The following FSD2 variants were observed in gnomAD, a reference collection of about 807,000 sequenced individuals.
FSD2 encodes fibronectin type III and SPRY domain-containing protein 2.
FSD2 carries 71 observed loss-of-function variants against 80.4 expected under a neutral mutation model. That is an observed-to-expected ratio of 0.88 (90% CI 0.73 to 1.08). The LOEUF (loss-of-function observed/expected upper bound fraction) is 1.08. Among genes scored for constraint, FSD2 ranks in the 50% least tolerant of loss-of-function variants. The pLI is 0.00. For synonymous variants in FSD2, 361 were observed against 329.5 expected (o/e 1.10, Z -1.03); for missense variants, 923 against 913.8 (o/e 1.01, Z -0.13).
chr15:82,766,069 A>G, intron 9 of FSD2, 38 bp from the exon 10 acceptor site: 3 of 1,529,364 alleles, frequency 2.0e-6, no homozygotes, highest in Non-Finnish European at 2.6e-6. Flanking sequence ...GAATGGGGCT[A>G]GGACACCCAG....
rs761590081 is a variant in FSD2, at chr15:82,765,302, TGGG to T, written c.1688-7_1688-5del. 6.2e-7 allele frequency: 1 copy of T among 1,613,120 alleles called. No homozygotes were observed. The highest frequency in any genetic ancestry group is 1.1e-5 in the South Asian group (1 of 90,908). Reference sequence around the variant, plus strand: ...TTGTTTAGGCGAAAGTAGCTTCCTGTGGGAGGAGGAACACACAGAAGACCCGCA... The same window carrying T: ...TTGTTTAGGCGAAAGTAGCTTCCTGTAGGAGGAACACACAGAAGACCCGCA... On this transcript the variant is annotated splice_polypyrimidine_tract_variant and splice_region_variant and intron_variant, in intron 10 of 12. Transcript: ENST00000334574.
chr15:82,763,210 C>G (rs573892997), intron 11 of FSD2, among the ~76,000 whole-genome samples: 2 of 152,248 alleles, frequency 1.3e-5, no homozygotes, highest in Admixed American at 1.3e-4. Context: ...TCTTATCTAC[C>G]AAAGTTTGGG....
At chr15:82,780,349 T>C in intron 4 of FSD2, 82 bp from the exon 5 acceptor site, 1 of 1,079,142 alleles carries the variant, frequency 9.3e-7, no homozygotes, top group Non-Finnish European at 1.3e-6. Context: ...TTTTTTTTTT[T>C]TCTTAAATGG....
intron 7 of FSD2, among the ~76,000 whole-genome samples, chr15:82,771,337 C>T (rs2049565663): frequency 6.6e-6 from 1 of 152,246 alleles, no homozygotes; most frequent in African/African-American, 2.4e-5. Context: ...CCCACTTCAA[C>T]CCCACATGCC....
At chr15:82,798,697 T>C (rs529140546) in intron 1 of FSD2, among the ~76,000 whole-genome samples, 2 of 152,254 alleles carry the variant, frequency 1.3e-5, no homozygotes, top group East Asian at 3.9e-4. Flanking sequence ...CCCTATTTGT[T>C]CCACAGTTGT....
At chr15:82,791,478 C>G (rs550336608) in intron 1 of FSD2, among the ~76,000 whole-genome samples, 8 of 152,208 alleles carry the variant, frequency 5.3e-5, no homozygotes, top group Non-Finnish European at 1.2e-4. Flanking sequence ...TCAGGTGATC[C>G]TCCCACCTCA....
At chr15:82,766,133 C>T (rs2049415356) in intron 9 of FSD2, 102 bp from the exon 10 acceptor site, 3 of 1,296,518 alleles carry the variant, frequency 2.3e-6, no homozygotes, top group South Asian at 3.2e-5. Context: ...CACTCTTGCG[C>T]TCCTGTCCTC....
chr15:82,763,925 C>G (rs2151487787), intron 11 of FSD2, among the ~76,000 whole-genome samples: 1 of 152,338 alleles, frequency 6.6e-6, no homozygotes. Flanking sequence ...TTATATTTCT[C>G]CAAACATGAT....
At chr15:82,784,864 G>A (rs1282898828) in intron 3 of FSD2, among the ~76,000 whole-genome samples, 1 of 152,174 alleles carries the variant, frequency 6.6e-6, no homozygotes, top group Non-Finnish European at 1.5e-5. Context: ...GGAAGGTTGG[G>A]TTGAGCTCTG....
chr15:82,783,321 A>G (rs903683086), intron 3 of FSD2, among the ~76,000 whole-genome samples: 1 of 151,640 alleles, frequency 6.6e-6, no homozygotes, highest in East Asian at 1.9e-4. Context: ...TTGGTCTTGA[A>G]CTCCTGACCT....
At chr15:82,795,493 A>T (rs2050242875) in intron 1 of FSD2, among the ~76,000 whole-genome samples, 1 of 152,214 alleles carries the variant, frequency 6.6e-6, no homozygotes, top group African/African-American at 2.4e-5. Flanking sequence ...TCAGAACTAA[A>T]TATAGGCATT....
chr15:82,794,483 T>A (rs1478691912), intron 1 of FSD2, among the ~76,000 whole-genome samples: 2 of 152,212 alleles, frequency 1.3e-5, no homozygotes, highest in African/African-American at 4.8e-5. Flanking sequence ...AGTGTTAATA[T>A]AGATGTCTGT....
chr15:82,781,368 C>T (rs1364627256), intron 4 of FSD2, among the ~76,000 whole-genome samples: 1 of 152,166 alleles, frequency 6.6e-6, no homozygotes, highest in African/African-American at 2.4e-5. Context: ...TCGCTGGCCC[C>T]TCACCCCAGG....
In FSD2 at chr15:82,790,721, G is replaced by A. The variant is rs566632093; in HGVS notation, c.-78-3253C>T. The stretch of plus-strand genomic sequence containing the variant: ...CTCCCTAGTAGCTGGGACTATAGGC[G>A]CCCGCCACCATGCCCAGCTAATTTT... On this transcript the variant is annotated intron_variant, in intron 1 of 12. Coordinates refer to ENST00000334574, the MANE Select transcript of FSD2 (RefSeq NM_001007122.4). Among the ~76,000 whole-genome samples, 489 of 147,726 alleles carry A rather than the reference G, an allele frequency of 3.3e-3. 4 individuals are homozygous for A. The highest frequency in any genetic ancestry group is 0.011 in the African/African-American group (449 of 40,152).
intron 1 of FSD2, among the ~76,000 whole-genome samples, chr15:82,802,550 C>G (rs1166923178): frequency 1.3e-5 from 2 of 152,188 alleles, no homozygotes; most frequent in African/African-American, 2.4e-5. Flanking sequence ...TTACCATTAA[C>G]AGCTGGGTTG....
intron 1 of FSD2, among the ~76,000 whole-genome samples, chr15:82,801,122 A>T (rs2050402660): frequency 6.6e-6 from 1 of 152,096 alleles, no homozygotes; most frequent in Non-Finnish European, 1.5e-5. Flanking sequence ...AGCTAAAATA[A>T]ACTTTCTCTA....
intron 6 of FSD2, among the ~76,000 whole-genome samples, chr15:82,776,365 C>T (rs117457110): frequency 0.01 from 1,583 of 152,174 alleles, 7 homozygotes; most frequent in Non-Finnish European, 0.016. Context: ...TGTTTTGTGG[C>T]GTAACATGTG....
chr15:82,762,942 A>G (rs990390562), intron 11 of FSD2, among the ~76,000 whole-genome samples: 1 of 152,242 alleles, frequency 6.6e-6, no homozygotes, highest in African/African-American at 2.4e-5. Flanking sequence ...GGAGACTCCT[A>G]CATTAACCAA....
chr15:82,788,504 C>CAAAAAAA (rs11317915), intron 1 of FSD2, among the ~76,000 whole-genome samples: 6 of 66,246 alleles, frequency 9.1e-5, no homozygotes, highest in Non-Finnish European at 1.7e-4. Flanking sequence ...GACCCTGTCT[C>CAAAAAAA]AAAAAAAAAA....
Sources: allele counts gnomAD v4.1 joint callset (sites outside exome capture counted in the v4.1 genomes callset), GRCh38; gene constraint gnomAD v4.1.1; transcripts MANE v1.5; gene names NCBI Gene and HGNC (gene_info 2026-07-23, HGNC 2026-07-21).